OTOG: variants seen among roughly 807,000 people sequenced by gnomAD.
The protein encoded by OTOG is otogelin.
OTOG carries 296 observed loss-of-function variants against 313.8 expected under a neutral mutation model. The ratio of observed to expected loss-of-function variants is 0.94; its 90% CI spans 0.86 to 1.04. OTOG has a LOEUF of 1.04. Among genes scored for constraint, OTOG ranks in the 50% least tolerant of loss-of-function variants. The probability of loss-of-function intolerance (pLI) is 0.00; values close to 1 mark genes in which losing one functional copy is unlikely to be tolerated. For synonymous variants in OTOG, 1,533 were observed against 1,554.9 expected, an observed-to-expected ratio of 0.99 and a Z score of 0.33; for missense variants, 3,948 against 3,840.1, an observed-to-expected ratio of 1.03 and a Z score of -0.74.
At chr11:17,558,089 C>T in intron 8 of OTOG, 96 bp from the exon 9 acceptor site, 2 of 1,425,656 alleles carry the variant, frequency 1.4e-6, no homozygotes, top group Non-Finnish European at 1.9e-6. Context: ...AACTCCTTAC[C>T]CATCCCTTGG....
chr11:17,577,112 T>A (rs1331638834), intron 22 of OTOG, among the ~76,000 whole-genome samples: 1 of 152,222 alleles, frequency 6.6e-6, no homozygotes, highest in African/African-American at 2.4e-5. Context: ...AGCCCCACCC[T>A]AGTGGCTGTC....
At chr11:17,638,331 C>A in intron 47 of OTOG, 120 bp from the exon 48 acceptor site, 2 of 840,518 alleles carry the variant, frequency 2.4e-6, no homozygotes, top group Non-Finnish European at 3.6e-6. Flanking sequence ...GCTCTGAGGA[C>A]AGTGGGGGTC....
intron 38 of OTOG, among the ~76,000 whole-genome samples, chr11:17,613,170 TTTTCTTTCTTTCTTTCTTTCTTTCTTTTC>T (rs1269652105): frequency 0.056 from 7,085 of 125,422 alleles, 428 homozygotes; most frequent in African/African-American, 0.096. Context: ...CTCTTCTCCC[TTTTCTTTCTTTCTTTCTTTCTTTCTTTTC>T]TTTCTTTCTT....
Position 17,549,187 on chromosome 11 carries a change from A to G in OTOG, c.216+975A>G, listed in dbSNP as rs1219726885. On this transcript the variant is annotated intron_variant, in intron 3 of 55. Coordinates refer to ENST00000399397, the MANE Select transcript of OTOG (RefSeq NM_001292063.2). ...CCCGCATTTGTCTCCCTCTTTCTATAACTACAGATGAGCTATAAGTTCCAC... is the reference window on the plus strand; with the variant it reads ...CCCGCATTTGTCTCCCTCTTTCTATGACTACAGATGAGCTATAAGTTCCAC... Among the ~76,000 whole-genome samples the G allele has an allele frequency of 2.0e-5, 3 of 152,052 alleles. No individual in the cohort carries two copies. In the East Asian group the frequency reaches 5.8e-4, roughly 29 times the overall value.
At chr11:17,634,791 G>A (rs1854220366) in intron 44 of OTOG, 53 bp from the exon 45 acceptor site, 4 of 1,426,578 alleles carry the variant, frequency 2.8e-6, no homozygotes, top group Non-Finnish European at 3.9e-6. Flanking sequence ...CCACTGGAGA[G>A]CAGTGGGGAC....
chr11:17,585,264 C>T (rs527685622), intron 23 of OTOG, among the ~76,000 whole-genome samples: 2 of 152,284 alleles, frequency 1.3e-5, no homozygotes, highest in South Asian at 4.2e-4. Flanking sequence ...TTTGTCCATT[C>T]CATCTAAGTT....
In OTOG at chr11:17,645,867, C is replaced by T. The variant is rs1325564065; in HGVS notation, c.8665C>T (p.Leu2889Phe). 7 of 1,550,800 alleles carry T rather than the reference C, an allele frequency of 4.5e-6. No individual in the cohort carries two copies. The highest frequency in any genetic ancestry group is 1.2e-5 in the South Asian group (1 of 84,064). Residue 2889 changes from leucine to phenylalanine, a missense_variant, in exon 56 of 56, where the codon CTC (leucine) becomes TTC (phenylalanine). Physicochemically the swap from Leu to Phe is conservative, Grantham distance 22. Coordinates refer to ENST00000399397, the MANE Select transcript of OTOG (RefSeq NM_001292063.2). ...EVGLQRRSVQ[L>F]FCATNATWVP... ...GGGCCTGCAGCGGCGCTCTGTGCAG[C>T]TCTTCTGTGCCACCAATGCCACCTG...
intron 51 of OTOG, 94 bp downstream of exon 51, chr11:17,641,185 C>T (rs1240591530): frequency 5.2e-6 from 7 of 1,337,332 alleles, no homozygotes; most frequent in Non-Finnish European, 7.1e-6. Flanking sequence ...CTTGAAGCTG[C>T]CCTAAACCCC....
chr11:17,631,917 C>T lies in OTOG; in HGVS notation c.6928C>T (p.Arg2310Cys), dbSNP rs896254817. The change falls in exon 41 of 56, where the codon CGC becomes TGC. Residue 2310 changes from arginine to cysteine, a missense_variant. By Grantham distance (180) the Arg-to-Cys change is radical (BLOSUM62 -3). Coordinates refer to ENST00000399397, the MANE Select transcript of OTOG (RefSeq NM_001292063.2). ...CAACCGCACCTTCAGTGCCTGCCAC[C>T]GCTTTGTATGTGCCAACTGGGTCCA... ...VSNRTFSACH[R>C]FVPPESFCEL... is the part of the protein sequence containing the mutation. 1.2e-5 allele frequency: 19 copies of T among 1,549,506 alleles called. No individual in the cohort carries two copies. The highest frequency in any genetic ancestry group is 7.3e-5 in the East Asian group (3 of 40,932).
At chr11:17,573,366 T>A in intron 19 of OTOG, 76 bp downstream of exon 19, 1 of 1,393,568 alleles carries the variant, frequency 7.2e-7, no homozygotes, top group Non-Finnish European at 9.5e-7. Flanking sequence ...CCCCTGAAAG[T>A]CTCCACTGGG....
At chr11:17,597,038 C>T in intron 30 of OTOG, 31 bp downstream of exon 30, 1 of 1,547,062 alleles carries the variant, frequency 6.5e-7, no homozygotes, top group Non-Finnish European at 8.7e-7. Context: ...CCTGAGGGGA[C>T]AGAGTAGAGT....
Position 17,593,629 on chromosome 11 carries a change from A to G in OTOG, c.3161A>G (p.Asp1054Gly). The change falls in exon 27 of 56, where the codon GAT becomes GGT. Residue 1054 changes from aspartate to glycine, a missense_variant. Asp to Gly is a moderately conservative substitution (Grantham distance 94). Transcript: ENST00000399397. Reference sequence around the variant, plus strand: ...CTCTAGAGTCCAGAGAGCTTCCTGGATGACAAGCAGGAGGTCCACACATGG... The same window carrying G: ...CTCTAGAGTCCAGAGAGCTTCCTGGGTGACAAGCAGGAGGTCCACACATGG... Reference protein sequence around the residue: ...SGNPSPESFLDDKQEVHTWRV... With the variant: ...SGNPSPESFLGDKQEVHTWRV... 6.5e-7 allele frequency: 1 copy of G among 1,549,008 alleles called. No homozygotes were observed. Among genetic ancestry groups the G allele is most frequent in the Non-Finnish European group, 8.7e-7 (1 of 1,146,968 alleles).
In OTOG at chr11:17,593,324, TC is replaced by T; in HGVS notation, c.3140del (p.Pro1047LeufsTer62). ...LIVFDDDSGN[P>X]SPESFLDDKQ... ...TTGTCTTTGATGATGACTCCGGAAA[TC>T]CTGTAAGGCTCAGTGCCTGTGAAGG... On this transcript the variant is annotated frameshift_variant and splice_region_variant, in exon 26 of 56. Transcript: ENST00000399397. LOFTEE classifies it high-confidence loss of function. The T allele has an allele frequency of 6.4e-7, 1 of 1,550,568 alleles. No homozygotes were observed. Among genetic ancestry groups the T allele is most frequent in the Non-Finnish European group, 8.7e-7 (1 of 1,146,986 alleles).
intron 37 of OTOG, 145 bp downstream of exon 37, chr11:17,612,475 G>A (rs576289738): frequency 1.4e-6 from 2 of 1,382,632 alleles, no homozygotes; most frequent in African/African-American, 2.9e-5. Flanking sequence ...CCTCTGATCT[G>A]TGTGATGCGT....
chr11:17,588,723 G>A (rs990598571), intron 24 of OTOG, among the ~76,000 whole-genome samples: 4 of 152,076 alleles, frequency 2.6e-5, no homozygotes, highest in African/African-American at 7.2e-5. Context: ...GGTGCTTCTA[G>A]TATCTCCCGA....
rs1854054776 is a variant in OTOG at position 17,629,168 on chromosome 11, G to A, written c.6564G>A (p.Val2188=). 1 of 1,550,330 alleles carries A rather than the reference G, an allele frequency of 6.5e-7. No homozygotes were observed. The highest frequency in any genetic ancestry group is 8.7e-7 in the Non-Finnish European group (1 of 1,146,956). Residue 2188 remains valine (V), a synonymous_variant, in exon 40 of 56, where the codon GTG becomes GTA. Transcript: ENST00000399397. ...TVDLQPVWPP[V]SRYGFRIEDT... ...ACTTGCAGCCTGTGTGGCCACCGGT[G>A]AGCAGGTATGGATTCAGAATTGAGG...
In OTOG at chr11:17,552,037, G is replaced by A; in HGVS notation, c.254G>A (p.Trp85Ter). 1 of 1,550,516 alleles carries A rather than the reference G, an allele frequency of 6.4e-7. No homozygotes were observed. The highest frequency in any genetic ancestry group is 8.7e-7 in the Non-Finnish European group (1 of 1,146,906). The change falls in exon 4 of 56, where the codon TGG becomes TAG. Residue 85 changes from tryptophan to a stop codon, truncating the protein, a stop_gained. Transcript: ENST00000399397. LOFTEE classifies it high-confidence loss of function. ...EAPDSVAMSS[W>*]ERRLHRAKCA... ...CCAGACTCCGTGGCCATGTCTTCCT[G>A]GGAAAGGCGGCTCCATCGGGCCAAG...
At chr11:17,583,894 A>G (rs10832810) in intron 23 of OTOG, among the ~76,000 whole-genome samples, 28,530 of 152,150 alleles carry the variant, frequency 0.19, 2,908 homozygotes, top group African/African-American at 0.25. Context: ...TTATAGATCA[A>G]TTTGGGGAGA....
chr11:17,547,444 G>C lies in OTOG; in HGVS notation c.72G>C (p.Glu24Asp). 1.4e-6 allele frequency: 2 copies of C among 1,384,434 alleles called. No homozygotes were observed. Among genetic ancestry groups the C allele is most frequent in the Non-Finnish European group, 1.9e-6 (2 of 1,074,884 alleles). 85.8% of individuals were successfully genotyped at this position (1,384,434 alleles called of 1,614,324 possible). A position where few individuals can be genotyped will look rare whatever the true frequency, so the allele number is the denominator to read the frequency against. Residue 24 changes from glutamate to aspartate, a missense_variant, in exon 1 of 56, where the codon GAG becomes GAC. Coordinates refer to ENST00000399397, the MANE Select transcript of OTOG (RefSeq NM_001292063.2). ...VWLPWGEQAAESLRVQRLAAA... is the reference protein window; with the variant it reads ...VWLPWGEQAADSLRVQRLAAA... ...TGCCCTGGGGTGAGCAGGCAGCCGAGTCCCTGCGGGTGCAGCGCCTCGGTG... is the reference window on the plus strand; with the variant it reads ...TGCCCTGGGGTGAGCAGGCAGCCGACTCCCTGCGGGTGCAGCGCCTCGGTG...
Sources: allele counts gnomAD v4.1 joint callset (sites outside exome capture counted in the v4.1 genomes callset), GRCh38; gene constraint gnomAD v4.1.1; transcripts MANE v1.5; gene names NCBI Gene and HGNC (gene_info 2026-07-23, HGNC 2026-07-21).